The following PDE7A variants were observed in gnomAD, a reference collection of about 807,000 sequenced individuals.
PDE7A encodes the protein phosphodiesterase 7A.
Under a neutral mutation model 64.3 loss-of-function variants are expected in PDE7A, and 39 were observed. The observed-to-expected ratio is 0.61, with a 90% CI of 0.47 to 0.79. The LOEUF (loss-of-function observed/expected upper bound fraction) is 0.79. Among genes scored for constraint, PDE7A ranks in the 30% least tolerant of loss-of-function variants. PDE7A has a pLI of 0.00. For missense variants in PDE7A, 470 were observed against 582.8 expected (o/e 0.81, Z 1.99); for synonymous variants, 203 against 206.8 (o/e 0.98, Z 0.16).
chr8:65,716,155 A>AAC lies in PDE7A; in HGVS notation c.*3134_*3135insGT, dbSNP rs1378755294. On this transcript the variant is annotated 3_prime_UTR_variant, in exon 13 of 13. Transcript: ENST00000401827. Reference sequence around the variant, plus strand: ...AGCAGCGAGACCCTGTCTCAAAAAAAAAAAAAAACAAAAGGGCTATAGAAG... The same window carrying AAC: ...AGCAGCGAGACCCTGTCTCAAAAAAAACAAAAAAAACAAAAGGGCTATAGAAG... Among the ~76,000 whole-genome samples the AAC allele has an allele frequency of 6.6e-6, 1 of 151,556 alleles. No individual in the cohort carries two copies. The highest frequency in any genetic ancestry group is 6.6e-5 in the Admixed American group (1 of 15,206).
chr8:65,825,708 G>C (rs529072245), intron 1 of PDE7A, among the ~76,000 whole-genome samples: 1 of 152,292 alleles, frequency 6.6e-6, no homozygotes, highest in East Asian at 1.9e-4. Flanking sequence ...CATATGCTCT[G>C]ACATGGTATG....
chr8:65,808,923 G>A (rs932151746), intron 1 of PDE7A, among the ~76,000 whole-genome samples: 3 of 152,066 alleles, frequency 2.0e-5, no homozygotes, highest in Non-Finnish European at 4.4e-5. Flanking sequence ...CTTACAATAT[G>A]CATTATAAGA....
intron 9 of PDE7A, among the ~76,000 whole-genome samples, chr8:65,726,314 C>A (rs1563471331): frequency 6.6e-6 from 1 of 151,504 alleles, no homozygotes; most frequent in Non-Finnish European, 1.5e-5. Flanking sequence ...TTATTAGGTT[C>A]TAAAATAGCC....
At chr8:65,742,157 A>C (rs1314514112) in intron 5 of PDE7A, among the ~76,000 whole-genome samples, 1 of 152,254 alleles carries the variant, frequency 6.6e-6, no homozygotes, top group Non-Finnish European at 1.5e-5. Flanking sequence ...TTCTTGAAAA[A>C]GAAAATTGTA....
At chr8:65,771,567 C>G (rs1809083223) in intron 3 of PDE7A, among the ~76,000 whole-genome samples, 1 of 152,070 alleles carries the variant, frequency 6.6e-6, no homozygotes. Context: ...GATCAAAGAA[C>G]AGATAATCCT....
At chr8:65,774,816 G>A (rs62507644) in intron 3 of PDE7A, among the ~76,000 whole-genome samples, 60 of 151,768 alleles carry the variant, frequency 4.0e-4, no homozygotes, top group African/African-American at 1.0e-3. Flanking sequence ...AATGAGAAAC[G>A]TCCGGCTGTT....
chr8:65,766,424 A>C (rs936434023), intron 3 of PDE7A, among the ~76,000 whole-genome samples: 3 of 152,234 alleles, frequency 2.0e-5, no homozygotes, highest in Non-Finnish European at 4.4e-5. Context: ...CAAAAGAGTG[A>C]AACTAAACAA....
At chr8:65,738,586 T>G (rs1807256538) in intron 6 of PDE7A, among the ~76,000 whole-genome samples, 2 of 152,000 alleles carry the variant, frequency 1.3e-5, no homozygotes, top group African/African-American at 4.8e-5. Context: ...TGCGCCACCA[T>G]GCCTGGGTAA....
intron 3 of PDE7A, among the ~76,000 whole-genome samples, chr8:65,755,095 A>G (rs558373361): frequency 1.9e-3 from 267 of 142,476 alleles, no homozygotes; most frequent in Non-Finnish European, 2.3e-3. Flanking sequence ...GTTTCGGCTC[A>G]CTGTAACGTC....
intron 7 of PDE7A, among the ~76,000 whole-genome samples, chr8:65,730,001 T>C (rs986490808): frequency 2.0e-5 from 3 of 151,690 alleles, no homozygotes; most frequent in African/African-American, 7.3e-5. Context: ...CATGGACCGG[T>C]ACTGGTCCAT....
chr8:65,767,343 A>C (rs920386873), intron 3 of PDE7A, among the ~76,000 whole-genome samples: 1 of 152,230 alleles, frequency 6.6e-6, no homozygotes, highest in African/African-American at 2.4e-5. Context: ...CTGTTGTATA[A>C]GCAACCACAG....
At chr8:65,834,637 C>T (rs995564597) in intron 1 of PDE7A, among the ~76,000 whole-genome samples, 22 of 152,078 alleles carry the variant, frequency 1.4e-4, no homozygotes, top group African/African-American at 4.8e-4. Flanking sequence ...ATTTAGTTAC[C>T]CAGTTAACAA....
chr8:65,820,676 G>A (rs1810521141), intron 1 of PDE7A, among the ~76,000 whole-genome samples: 1 of 152,062 alleles, frequency 6.6e-6, no homozygotes, highest in African/African-American at 2.4e-5. Flanking sequence ...TGTAACCTCT[G>A]CCTCCTGGGT....
intron 3 of PDE7A, among the ~76,000 whole-genome samples, chr8:65,770,466 A>G (rs946781502): frequency 6.6e-6 from 1 of 152,180 alleles, no homozygotes. Flanking sequence ...CCACGAGAAC[A>G]GTATGGGGGA....
chr8:65,754,077 G>A (rs1808099146), intron 3 of PDE7A, among the ~76,000 whole-genome samples: 1 of 152,098 alleles, frequency 6.6e-6, no homozygotes, highest in Non-Finnish European at 1.5e-5. Flanking sequence ...AAGCTGAGGA[G>A]CAAGGAAAGC....
rs543593809 is a variant in PDE7A, at chr8:65,725,192, G to T, written c.921-271C>A. 7 of 243,734 alleles carry T rather than the reference G, an allele frequency of 2.9e-5. No homozygotes were observed. In the East Asian group the frequency reaches 5.4e-4, roughly 19 times the overall value. 15.1% of individuals were successfully genotyped at this position (243,734 alleles called of 1,614,324 possible). ...AGCCTTTATTTTGCCAGCCAAGGTG[G>T]TATTATTTGCTTTAAAAAAAAAATC... On this transcript the variant is annotated intron_variant, in intron 9 of 12. Transcript: ENST00000401827.
At chr8:65,811,632 T>C (rs891694401) in intron 1 of PDE7A, among the ~76,000 whole-genome samples, 1 of 152,240 alleles carries the variant, frequency 6.6e-6, no homozygotes, top group African/African-American at 2.4e-5. Context: ...CTCTAGGCAC[T>C]TTATTTGGAT....
In PDE7A at chr8:65,716,039, G is replaced by A. The variant is rs192774727; in HGVS notation, c.*3251C>T. ...AAAAAAAAAAAATTAGCTGGGTGGTGTGGTGGCACTCAGGAGGCTGAGGTG... is the reference window on the plus strand; with the variant it reads ...AAAAAAAAAAAATTAGCTGGGTGGTATGGTGGCACTCAGGAGGCTGAGGTG... On this transcript the variant is annotated 3_prime_UTR_variant, in exon 13 of 13. Transcript: ENST00000401827. Among the ~76,000 whole-genome samples, 510 of 146,204 alleles carry A rather than the reference G, an allele frequency of 3.5e-3. 3 individuals are homozygous for A. Among genetic ancestry groups the A allele is most frequent in the Middle Eastern group, 7.1e-3 (2 of 282 alleles).
intron 3 of PDE7A, among the ~76,000 whole-genome samples, chr8:65,760,703 T>C (rs1331490616): frequency 1.3e-5 from 2 of 152,166 alleles, no homozygotes; most frequent in South Asian, 2.1e-4. Flanking sequence ...CCCACTCCCC[T>C]CATCACACAG....
Sources: allele counts gnomAD v4.1 joint callset (sites outside exome capture counted in the v4.1 genomes callset), GRCh38; gene constraint gnomAD v4.1.1; transcripts MANE v1.5; gene names NCBI Gene and HGNC (gene_info 2026-07-23, HGNC 2026-07-21).